Variants in LOC128706665 observed in about 807,000 individuals in gnomAD.
chr20:10,434,154 C>T, the LOC128706665 span: 20 of 152,702 alleles, frequency 1.3e-4, no homozygotes, highest in African/African-American at 4.6e-4. Context: ...CGCCAGAGGC[C>T]CCAGAAACAG....
At chr20:10,424,300 T>C in the LOC128706665 span, among the ~76,000 whole-genome samples, 4 of 152,026 alleles carry the variant, frequency 2.6e-5, no homozygotes, top group African/African-American at 7.2e-5. Context: ...TCACACCTGT[T>C]ACCCCAGCAC....
the LOC128706665 span, among the ~76,000 whole-genome samples, chr20:10,418,987 T>C: frequency 6.6e-6 from 1 of 152,168 alleles, no homozygotes; most frequent in East Asian, 1.9e-4. Context: ...CTGGCTTTTA[T>C]ATTTAATAAT....
chr20:10,417,306 T>C, the LOC128706665 span, among the ~76,000 whole-genome samples: 1 of 151,680 alleles, frequency 6.6e-6, no homozygotes, highest in Non-Finnish European at 1.5e-5. Context: ...ACTGCTAACT[T>C]GCCTGTTAAT....
the LOC128706665 span, among the ~76,000 whole-genome samples, chr20:10,420,275 T>C: frequency 2.0e-5 from 3 of 152,190 alleles, no homozygotes; most frequent in Non-Finnish European, 4.4e-5. Context: ...CACACATTCA[T>C]GATCCTGGTG....
chr20:10,428,843 CAATAAATA>C, the LOC128706665 span, among the ~76,000 whole-genome samples: 1 of 151,056 alleles, frequency 6.6e-6, no homozygotes, highest in East Asian at 1.9e-4. Context: ...GACTCCGTCT[CAATAAATA>C]AATAAATAAA....
the LOC128706665 span, among the ~76,000 whole-genome samples, chr20:10,425,974 G>C: frequency 6.6e-6 from 1 of 152,150 alleles, no homozygotes; most frequent in East Asian, 1.9e-4. Flanking sequence ...GATATTTATA[G>C]TTTCATTTAC....
At chr20:10,419,113 C>T in the LOC128706665 span, among the ~76,000 whole-genome samples, 14 of 151,946 alleles carry the variant, frequency 9.2e-5, no homozygotes, top group Admixed American at 5.2e-4. Context: ...AATCTCAGAC[C>T]AAGGCTTATA....
At chr20:10,428,720 TC>T in the LOC128706665 span, among the ~76,000 whole-genome samples, 3 of 152,134 alleles carry the variant, frequency 2.0e-5, no homozygotes, top group African/African-American at 7.2e-5. Context: ...GCACCTGTAA[TC>T]CCAGTTACCT....
the LOC128706665 span, chr20:10,413,721 A>G: frequency 1.6e-6 from 1 of 620,128 alleles, no homozygotes; most frequent in Non-Finnish European, 2.8e-6. Flanking sequence ...GTAATTCCAA[A>G]TATTTATTTT....
the LOC128706665 span, among the ~76,000 whole-genome samples, chr20:10,426,073 CTTAAA>C: frequency 6.6e-6 from 1 of 152,168 alleles, no homozygotes; most frequent in African/African-American, 2.4e-5. Context: ...AAAGTATGGT[CTTAAA>C]TTATTCAAAA....
chr20:10,420,434 A>G, the LOC128706665 span: 1 of 152,346 alleles, frequency 6.6e-6, no homozygotes. Context: ...TAACTTACCA[A>G]TTTAGGCTTT....
At chr20:10,421,518 A>T in the LOC128706665 span, among the ~76,000 whole-genome samples, 1 of 152,158 alleles carries the variant, frequency 6.6e-6, no homozygotes, top group African/African-American at 2.4e-5. Context: ...ATATTCTGAC[A>T]GGATGTAGTG....
At chr20:10,433,782 G>T in the LOC128706665 span, among the ~76,000 whole-genome samples, 1 of 152,132 alleles carries the variant, frequency 6.6e-6, no homozygotes, top group African/African-American at 2.4e-5. Context: ...GGAGGGGACG[G>T]GGAGTCACAG....
chr20:10,428,928 A>G, the LOC128706665 span, among the ~76,000 whole-genome samples: 4 of 152,224 alleles, frequency 2.6e-5, no homozygotes, highest in South Asian at 6.2e-4. Context: ...CCCACTTTCT[A>G]CTGTGTCTTT....
the LOC128706665 span, among the ~76,000 whole-genome samples, chr20:10,415,647 C>T: frequency 3.3e-5 from 5 of 152,150 alleles, no homozygotes; most frequent in East Asian, 7.7e-4. Context: ...TAAATGAAAC[C>T]TCACAAAGTG....
chr20:10,419,112 C>T, the LOC128706665 span, among the ~76,000 whole-genome samples: 2 of 152,048 alleles, frequency 1.3e-5, no homozygotes, highest in African/African-American at 2.4e-5. Flanking sequence ...AAATCTCAGA[C>T]CAAGGCTTAT....
the LOC128706665 span, among the ~76,000 whole-genome samples, chr20:10,415,679 C>T: frequency 3.2e-4 from 49 of 152,256 alleles, no homozygotes; most frequent in South Asian, 1.7e-3. Flanking sequence ...TTAATTTGCA[C>T]GTTAAAACTT....
chr20:10,414,175 G>A, the LOC128706665 span, among the ~76,000 whole-genome samples: 1 of 151,890 alleles, frequency 6.6e-6, no homozygotes, highest in Non-Finnish European at 1.5e-5. Context: ...CAACAACATG[G>A]CTAGAAAGCT....
chr20:10,425,508 A>G, the LOC128706665 span, among the ~76,000 whole-genome samples: 24,463 of 152,220 alleles, frequency 0.16, 2,343 homozygotes, highest in African/African-American at 0.25. Flanking sequence ...TGACTTTTAG[A>G]AAGGTTCATG....
Sources: gnomAD v4.1 joint callset for allele counts (sites outside exome capture counted in the v4.1 genomes callset) on GRCh38, gnomAD v4.1.1 for gene constraint, MANE v1.5 for transcripts.